The following TTC4 variants were observed in gnomAD, a reference collection of about 807,000 sequenced individuals.
TTC4 encodes the protein hsp70/Hsp90 co-chaperone CNS1 homolog.
A neutral mutation model predicts 51.9 loss-of-function variants in TTC4; 36 were observed. The ratio of observed to expected loss-of-function variants is 0.69; its 90% CI spans 0.53 to 0.92. The LOEUF is 0.92. Ranked by LOEUF, TTC4 falls within the 40% of genes least tolerant of loss-of-function variation. The probability of loss-of-function intolerance (pLI) is 0.00; values close to 1 mark genes in which losing one functional copy is unlikely to be tolerated. For missense variants in TTC4, 399 were observed against 454.6 expected (o/e 0.88, Z 1.11); for synonymous variants, 144 against 164.2 (o/e 0.88, Z 0.94).
chr1:54,736,278 A>C (rs1645940640), intron 8 of TTC4, among the ~76,000 whole-genome samples: 1 of 81,062 alleles, frequency 1.2e-5, no homozygotes, highest in Non-Finnish European at 2.3e-5. Context: ...GAGACCATGA[A>C]GTCTCATTGG....
intron 7 of TTC4, among the ~76,000 whole-genome samples, chr1:54,731,968 A>G (rs188503354): frequency 6.6e-6 from 1 of 152,316 alleles, no homozygotes; most frequent in Admixed American, 6.5e-5. Context: ...AGTGGTACAC[A>G]TCACTGGTGA....
chr1:54,727,680 C>T (rs1423575452), intron 5 of TTC4, among the ~76,000 whole-genome samples: 7 of 105,620 alleles, frequency 6.6e-5, no homozygotes, highest in Non-Finnish European at 1.1e-4. Context: ...AGTGAGACCT[C>T]ATCTCTACAA....
chr1:54,716,522 A>C, intron 1 of TTC4, 78 bp from the exon 2 acceptor site: 1 of 1,128,692 alleles, frequency 8.9e-7, no homozygotes, highest in South Asian at 1.4e-5. Context: ...GAGTAAAAAA[A>C]CTTTGGTAAT....
Position 54,741,567 on chromosome 1 carries a change from C to T in TTC4, c.*54C>T. On this transcript the variant is annotated 3_prime_UTR_variant, in exon 10 of 10. Coordinates refer to ENST00000371281, the MANE Select transcript of TTC4 (RefSeq NM_004623.5). ...TTACCCTCCTCTGCTGGGAACCTAG[C>T]ACACCTGAATCAGCTGGACATACTG... 7.0e-7 allele frequency: 1 copy of T among 1,424,756 alleles called. No homozygotes were observed. Among genetic ancestry groups the T allele is most frequent in the Non-Finnish European group, 9.9e-7 (1 of 1,008,842 alleles). The allele number at this position is 1,424,756 out of a possible 1,614,324, so 88.3% of individuals were successfully genotyped here. A position where few individuals can be genotyped will look rare whatever the true frequency, so the allele number is the denominator to read the frequency against.
rs1019538533 is a variant in TTC4 at position 54,730,451 on chromosome 1, T to A, written c.682-1035T>A. ...GTTGGAACACAGCCCTGCCTATTTG[T>A]TTATGTACTACTTATGGCTGTTTTC... is the stretch of plus-strand genomic sequence containing the variant. On this transcript the variant is annotated intron_variant, in intron 6 of 9. Transcript: ENST00000371281. Among the ~76,000 whole-genome samples, 3 of 152,176 alleles carry A rather than the reference T, an allele frequency of 2.0e-5. No homozygotes were observed. In the East Asian group the frequency reaches 5.8e-4, roughly 29 times the overall value.
At chr1:54,724,187 C>T (rs1421820373) in intron 5 of TTC4, among the ~76,000 whole-genome samples, 1 of 152,120 alleles carries the variant, frequency 6.6e-6, no homozygotes, top group African/African-American at 2.4e-5. Context: ...ATATAGCCAA[C>T]AGACTTGTGG....
intron 3 of TTC4, among the ~76,000 whole-genome samples, chr1:54,719,897 T>C (rs1242593608): frequency 4.1e-5 from 5 of 120,720 alleles, no homozygotes; most frequent in Admixed American, 4.0e-4. Context: ...TGTTCCATAC[T>C]TTTTTTTTTT....
At position 54,720,787 on chromosome 1, in the gene TTC4, G is replaced by A. The variant is rs528139495; in HGVS notation, c.392-376G>A. 3.9e-5 allele frequency among the ~76,000 whole-genome samples: 6 copies of A among 152,178 alleles called. No individual in the cohort carries two copies. In the East Asian group the frequency reaches 9.6e-4, roughly 24 times the overall value. On this transcript the variant is annotated intron_variant, in intron 3 of 9. Transcript: ENST00000371281. ...TTTGATAATTTTCCAGAAGAAAATT[G>A]TTGTGTCAAAGTATATGTACAAAAT...
chr1:54,741,889 C>CGG lies in TTC4; in HGVS notation c.*376_*377insGG. On this transcript the variant is annotated 3_prime_UTR_variant, in exon 10 of 10. Coordinates refer to ENST00000371281, the MANE Select transcript of TTC4 (RefSeq NM_004623.5). ...GGAGTTTGACACCTTAGAGAAGCTA[C>CGG]CCCTCAAACTGCACATCTACACACA... 1.4e-5 allele frequency: 3 copies of CGG among 210,360 alleles called. No homozygotes were observed. Among genetic ancestry groups the CGG allele is most frequent in the East Asian group, 1.2e-4 (1 of 8,104 alleles). 13.0% of individuals were successfully genotyped at this position (210,360 alleles called of 1,614,324 possible). A position where few individuals can be genotyped will look rare whatever the true frequency, so the allele number is the denominator to read the frequency against.
chr1:54,739,154 G>A (rs2101373194), intron 9 of TTC4, among the ~76,000 whole-genome samples: 1 of 151,648 alleles, frequency 6.6e-6, no homozygotes, highest in Non-Finnish European at 1.5e-5. Context: ...TTACAGATGT[G>A]AGCCACCACA....
intron 6 of TTC4, among the ~76,000 whole-genome samples, chr1:54,730,616 G>A (rs1645853608): frequency 6.6e-6 from 1 of 152,080 alleles, no homozygotes; most frequent in Non-Finnish European, 1.5e-5. Context: ...AATTTTGATT[G>A]CATGTCATTT....
At position 54,722,738 on chromosome 1, in the gene TTC4, T is replaced by C. The variant is rs765724790; in HGVS notation, c.533T>C (p.Leu178Pro). ...GCCGTGAACTGGTGTGATGAGGGAC[T>C]GCAAATAGATGCCAAAGAGAAGAAG... is the stretch of plus-strand genomic sequence containing the variant. ...AEAVNWCDEGLQIDAKEKKLL... is the reference protein window; with the variant it reads ...AEAVNWCDEGPQIDAKEKKLL... The change falls in exon 5 of 10, where the codon CTG becomes CCG. Residue 178 changes from leucine to proline, a missense_variant. Leu to Pro is a moderately conservative substitution (Grantham distance 98). This residue lies in a region of TTC4 where 316 missense variants were observed against 349.6 expected (regional missense o/e 0.90). Transcript: ENST00000371281. 10 of 1,613,826 alleles carry C rather than the reference T, an allele frequency of 6.2e-6. No homozygotes were observed. Among genetic ancestry groups the C allele is most frequent in the Non-Finnish European group, 8.5e-6 (10 of 1,179,928 alleles).
Position 54,716,015 on chromosome 1 carries a change from A to T in TTC4, c.107A>T (p.Glu36Val). The T allele has an allele frequency of 6.3e-7, 1 of 1,584,048 alleles. No individual in the cohort carries two copies. Among genetic ancestry groups the T allele is most frequent in the Non-Finnish European group, 8.6e-7 (1 of 1,165,730 alleles). The change falls in exon 1 of 10, where the codon GAG (glutamate) becomes GTG (valine). Residue 36 changes from glutamate (E) to valine (V), a missense_variant. By Grantham distance (121) the Glu-to-Val change is moderately radical. This residue lies in a region of TTC4 where 316 missense variants were observed against 349.6 expected (regional missense o/e 0.90). Transcript: ENST00000371281. ...GGCGGCTTTCATGAGGACCAGTGGG[A>T]GAAGGTGGGCGGTCCTGGGGTCTCC... is the stretch of plus-strand genomic sequence containing the variant. Reference protein sequence around the residue: ...YRGGFHEDQWEKEFEKVPLFM... With the variant: ...YRGGFHEDQWVKEFEKVPLFM...
chr1:54,727,528 C>CA (rs1557746994), intron 5 of TTC4, among the ~76,000 whole-genome samples: 2 of 147,430 alleles, frequency 1.4e-5, no homozygotes, highest in Admixed American at 1.3e-4. Context: ...AGGATACCAT[C>CA]AAAAAAATGA....
chr1:54,739,107 A>G (rs1343798838), intron 9 of TTC4, among the ~76,000 whole-genome samples: 2 of 151,760 alleles, frequency 1.3e-5, no homozygotes, highest in African/African-American at 4.8e-5. Context: ...CCTGGGCTCA[A>G]GCAATCCACC....
Position 54,728,434 on chromosome 1 carries a change from T to A in TTC4, c.681+2T>A. 6.2e-7 allele frequency: 1 copy of A among 1,611,418 alleles called. No homozygotes were observed. The highest frequency in any genetic ancestry group is 1.1e-5 in the South Asian group (1 of 90,760). ...GAGGCTTTACTCCAGGCCATCAAGG[T>A]GAGTTCTTAAACCTTAGGTTTTTAT... On this transcript the variant is annotated splice_donor_variant, in intron 6 of 9. Transcript: ENST00000371281. LOFTEE classifies it high-confidence loss of function.
Position 54,722,633 on chromosome 1 carries a change from A to T in TTC4, c.470-42A>T, listed in dbSNP as rs780692307. 2.5e-6 allele frequency: 4 copies of T among 1,605,650 alleles called. No homozygotes were observed. The South Asian group carries it at 3.4e-5, about 13-fold the overall frequency. The stretch of plus-strand genomic sequence containing the variant: ...ATCTTGCCCAAAGCAGGTTCTTTCC[A>T]TGCATGTTTTTCTTGAATCCTAAGG... On this transcript the variant is annotated intron_variant, in intron 4 of 9. Transcript: ENST00000371281.
In TTC4 at chr1:54,731,600, C is replaced by A. The variant is rs1312284274; in HGVS notation, c.796C>A (p.Leu266Met). The change falls in exon 7 of 10, where the codon CTG becomes ATG. Residue 266 changes from leucine to methionine, a missense_variant. Physicochemically the swap from Leu to Met is conservative, Grantham distance 15. Around this residue, in one of 3 missense-constraint regions of TTC4, gnomAD observed 316 missense variants for 349.6 expected, o/e 0.90. Coordinates refer to ENST00000371281, the MANE Select transcript of TTC4 (RefSeq NM_004623.5). ...CACTGAGAACCCCCATGGAGCCAGG[C>A]TGAGTCTAGATGGCCAGGGCAGGCT... ...LSTENPHGAR[L>M]SLDGQGRLSW... The A allele has an allele frequency of 1.2e-6, 2 of 1,614,108 alleles. No homozygotes were observed. Among genetic ancestry groups the A allele is most frequent in the South Asian group, 1.1e-5 (1 of 91,082 alleles).
chr1:54,737,474 C>T (rs1251018762), intron 8 of TTC4, 108 bp from the exon 9 acceptor site: 4 of 879,620 alleles, frequency 4.5e-6, no homozygotes, highest in Non-Finnish European at 7.0e-6. Context: ...ATAAAGGAGG[C>T]ATTCAACTAC....
Sources: allele counts gnomAD v4.1 joint callset (sites outside exome capture counted in the v4.1 genomes callset), GRCh38; gene constraint gnomAD v4.1.1; regional missense constraint gnomAD v4.1.1; transcripts MANE v1.5; gene names NCBI Gene and HGNC (gene_info 2026-07-23, HGNC 2026-07-21).